GLYAT: variants seen among roughly 807,000 people sequenced by gnomAD.
GLYAT encodes glycine N-acyltransferase.
Under a neutral mutation model 22.8 loss-of-function variants are expected in GLYAT, and 25 were observed. That is an observed-to-expected ratio of 1.09 (90% confidence interval 0.80 to 1.53). The LOEUF (loss-of-function observed/expected upper bound fraction) is 1.53, where lower values mean the gene tolerates loss of function less well. Among genes scored for constraint, GLYAT ranks in the 40% most tolerant of loss-of-function variants. The pLI, the probability that GLYAT is intolerant of heterozygous loss-of-function variation, is 0.00. For missense variants in GLYAT, 411 were observed against 353.9 expected, an observed-to-expected ratio of 1.16 and a Z score of -1.29; for synonymous variants, 140 against 122.7, an observed-to-expected ratio of 1.14 and a Z score of -0.93.
chr11:58,719,495 ATTAAT>A lies in GLYAT; in HGVS notation c.82-4077_82-4073del, dbSNP rs549050380. On this transcript the variant is annotated intron_variant, in intron 2 of 5. Coordinates refer to ENST00000344743, the MANE Select transcript of GLYAT (RefSeq NM_201648.3). Reference sequence around the variant, plus strand: ...CATCAGTGTTCCTTTGACATTAATGATTAATTTACGGAGAAATGAAACTTATTTTA... The same window carrying A: ...CATCAGTGTTCCTTTGACATTAATGATTACGGAGAAATGAAACTTATTTTA... Among the ~76,000 whole-genome samples, 432 of 152,130 alleles carry A rather than the reference ATTAAT, an allele frequency of 2.8e-3. 4 individuals carry two copies. Among genetic ancestry groups the A allele is most frequent in the African/African-American group, 9.7e-3 (404 of 41,538 alleles).
In GLYAT at chr11:58,712,894, C is replaced by T. The variant is rs552810; in HGVS notation, c.190-8G>A. The T allele has an allele frequency of 0.016, 24,499 of 1,568,634 alleles. 319 individuals are homozygous for T. Among genetic ancestry groups the T allele is most frequent in the Middle Eastern group, 0.083 (492 of 5,908 alleles). On this transcript the variant is annotated splice_polypyrimidine_tract_variant and splice_region_variant and intron_variant, in intron 3 of 5. Transcript: ENST00000344743. ...AAGGTCATCTGTCATATCCTGTTAT[C>T]ATTAGGAAAAAGGAAATAAAACACA...
At chr11:58,717,562 A>G (rs1298731285) in intron 2 of GLYAT, among the ~76,000 whole-genome samples, 1 of 152,086 alleles carries the variant, frequency 6.6e-6, no homozygotes, top group Non-Finnish European at 1.5e-5. Context: ...TGAAAAAAAA[A>G]GAAGAAAAAT....
intron 1 of GLYAT, 52 bp from the exon 2 acceptor site, chr11:58,724,563 C>A: frequency 1.0e-6 from 1 of 977,298 alleles, no homozygotes; most frequent in Non-Finnish European, 1.5e-6. Flanking sequence ...AGAGGAGATT[C>A]TGAAACAAGA....
intron 4 of GLYAT, among the ~76,000 whole-genome samples, chr11:58,711,223 C>T (rs1856613028): frequency 6.6e-6 from 1 of 152,178 alleles, no homozygotes; most frequent in South Asian, 2.1e-4. Context: ...TTCTCCTCTG[C>T]CTTTATCTCT....
At chr11:58,716,613 A>G (rs572006) in intron 2 of GLYAT, among the ~76,000 whole-genome samples, 111,157 of 152,070 alleles carry the variant, frequency 0.73, 41,300 homozygotes, top group Middle Eastern at 0.88. Flanking sequence ...CCATTGCAAA[A>G]ATGAAAATAT....
rs141149632 is a variant in GLYAT at position 58,727,700 on chromosome 11, C to A, written c.-15-3189G>T. On this transcript the variant is annotated intron_variant, in intron 1 of 5. Coordinates refer to ENST00000344743, the MANE Select transcript of GLYAT (RefSeq NM_201648.3). ...TCCTGATAAGATCTCAGGAGCTGGG[C>A]AAGTGGGCTCAAGCATGTGCATTCA... Among the ~76,000 whole-genome samples the A allele has an allele frequency of 2.3e-3, 352 of 152,218 alleles. 1 individual carries two copies. Among genetic ancestry groups the A allele is most frequent in the African/African-American group, 8.2e-3 (342 of 41,526 alleles).
At chr11:58,728,893 G>GAAAGAAAGAAAGAAA (rs1590676106) in intron 1 of GLYAT, among the ~76,000 whole-genome samples, 962 of 59,498 alleles carry the variant, frequency 0.016, 3 homozygotes, top group Admixed American at 0.034. Flanking sequence ...AAAGAAAGAA[G>GAAAGAAAGAAAGAAA]GAAGGAAGGA....
rs577202899 is a variant in GLYAT at position 58,718,531 on chromosome 11, C to T, written c.82-3108G>A. On this transcript the variant is annotated intron_variant, in intron 2 of 5. Coordinates refer to ENST00000344743, the MANE Select transcript of GLYAT (RefSeq NM_201648.3). ...CACAATCTCCAAAGTTATCAGAAAC[C>T]TGCATTTAAGAGTACCTGTTGGAGT... is the stretch of plus-strand genomic sequence containing the variant. Among the ~76,000 whole-genome samples, 15 of 152,086 alleles carry T rather than the reference C, an allele frequency of 9.9e-5. No individual in the cohort carries two copies. In the South Asian group the frequency reaches 3.1e-3, roughly 32 times the overall value.
At chr11:58,728,784 GA>G (rs1844055385) in intron 1 of GLYAT, 2 of 148,948 alleles carry the variant, frequency 1.3e-5, no homozygotes, top group Admixed American at 1.3e-4. Flanking sequence ...GCTTCGTTGA[GA>G]GAGTAAACAG....
At position 58,724,029 on chromosome 11, in the gene GLYAT, T is replaced by C. The variant is rs112429966; in HGVS notation, c.81+387A>G. ...GTAATAAACAAGTTAAACATTAATA[T>C]GCAGCCTCAGCCAACTTTGTAGAAC... On this transcript the variant is annotated intron_variant, in intron 2 of 5. Transcript: ENST00000344743. Among the ~76,000 whole-genome samples, 5 of 152,206 alleles carry C rather than the reference T, an allele frequency of 3.3e-5. 1 individual carries two copies. Among genetic ancestry groups the C allele is most frequent in the African/African-American group, 1.2e-4 (5 of 41,568 alleles).
intron 2 of GLYAT, among the ~76,000 whole-genome samples, chr11:58,722,503 C>A (rs1856762519): frequency 6.6e-6 from 1 of 152,018 alleles, no homozygotes; most frequent in South Asian, 2.1e-4. Flanking sequence ...CATTTTGAAG[C>A]AATGGCAGGA....
chr11:58,716,840 T>C (rs1003401694), intron 2 of GLYAT, among the ~76,000 whole-genome samples: 2 of 152,112 alleles, frequency 1.3e-5, no homozygotes, highest in Admixed American at 1.3e-4. Flanking sequence ...CTTGGTTTTC[T>C]ACATTTTAGG....
intron 2 of GLYAT, among the ~76,000 whole-genome samples, chr11:58,719,779 A>T (rs1174559489): frequency 1.3e-5 from 2 of 152,076 alleles, no homozygotes; most frequent in South Asian, 4.1e-4. Flanking sequence ...CTTTAAAAGC[A>T]TATACAGGAA....
intron 2 of GLYAT, among the ~76,000 whole-genome samples, chr11:58,721,752 G>C (rs1414364773): frequency 6.6e-6 from 1 of 151,884 alleles, no homozygotes; most frequent in Non-Finnish European, 1.5e-5. Flanking sequence ...CTGGCAAAAA[G>C]GTGACCTTAT....
intron 2 of GLYAT, among the ~76,000 whole-genome samples, chr11:58,723,838 AT>A: frequency 6.6e-6 from 1 of 151,936 alleles, no homozygotes; most frequent in East Asian, 1.9e-4. Flanking sequence ...TAGACCTCTA[AT>A]TATTAATACC....
At chr11:58,731,143 T>G (rs150495862) in intron 1 of GLYAT, among the ~76,000 whole-genome samples, 18 of 152,328 alleles carry the variant, frequency 1.2e-4, no homozygotes, top group African/African-American at 4.3e-4. Flanking sequence ...AAATCTTGTC[T>G]GTATTCTTGT....
rs568804994 is a variant in GLYAT, at chr11:58,720,709, T to C, written c.81+3707A>G. On this transcript the variant is annotated intron_variant, in intron 2 of 5. Coordinates refer to ENST00000344743, the MANE Select transcript of GLYAT (RefSeq NM_201648.3). ...GCTATTTTCATTAAACCCATATCAA[T>C]GCATTATTTATTAAAAATTACACAA... Among the ~76,000 whole-genome samples the C allele has an allele frequency of 4.7e-3, 718 of 152,162 alleles. 7 individuals are homozygous for C. The highest frequency in any genetic ancestry group is 0.02 in the Middle Eastern group (6 of 294).
rs1856585550 is a variant in GLYAT at position 58,709,738 on chromosome 11, C to A, written c.*28G>T. 15 of 1,581,712 alleles carry A rather than the reference C, an allele frequency of 9.5e-6. No homozygotes were observed. Among genetic ancestry groups the A allele is most frequent in the Non-Finnish European group, 1.3e-5 (15 of 1,162,216 alleles). On this transcript the variant is annotated 3_prime_UTR_variant, in exon 6 of 6. Coordinates refer to ENST00000344743, the MANE Select transcript of GLYAT (RefSeq NM_201648.3). ...CTCAAATTATACGCCCAGACCTGCC[C>A]AACACTGTCTTATGTTCAGGATTGG...
At chr11:58,724,752 A>G (rs781169783) in intron 1 of GLYAT, among the ~76,000 whole-genome samples, 2 of 152,098 alleles carry the variant, frequency 1.3e-5, no homozygotes, top group African/African-American at 2.4e-5. Context: ...TTTAGATTTA[A>G]AAAGTACATT....
Sources: gnomAD v4.1 joint callset for allele counts (sites outside exome capture counted in the v4.1 genomes callset) on GRCh38, gnomAD v4.1.1 for gene constraint, MANE v1.5 for transcripts, NCBI Gene and HGNC (gene_info 2026-07-23, HGNC 2026-07-21) for gene names.